The following CASK variants were observed in gnomAD, a reference collection of about 807,000 sequenced individuals.
The protein encoded by CASK is peripheral plasma membrane protein CASK.
Under a neutral mutation model 82.9 loss-of-function variants are expected in CASK, and 4 were observed. The ratio of observed to expected loss-of-function variants is 0.05; its 90% CI spans 0.02 to 0.11. The LOEUF is 0.11. Among genes scored for constraint, CASK ranks in the 10% least tolerant of loss-of-function variants. The pLI, the probability that CASK is intolerant of heterozygous loss-of-function variation, is 1.00. For missense variants in CASK, 358 were observed against 720.9 expected, an observed-to-expected ratio of 0.50 and a Z score of 5.76; for synonymous variants, 259 against 253.5, an observed-to-expected ratio of 1.02 and a Z score of -0.20.
intron 3 of CASK, among the ~76,000 whole-genome samples, chrX:41,763,582 G>A (rs1471566040): frequency 9.0e-6 from 1 of 111,107 alleles, no homozygotes; most frequent in Non-Finnish European, 1.9e-5. Context: ...GGACAGCTTG[G>A]GCCCAGGTGG....
At chrX:41,853,003 T>TA (rs2071295345) in intron 2 of CASK, 112 bp downstream of exon 2, 2 of 532,272 alleles carry the variant, frequency 3.8e-6, no homozygotes, top group Non-Finnish European at 6.7e-6. Context: ...CACTTCCCTC[T>TA]ACATCATACC....
At chrX:41,861,057 C>T (rs2071466812) in intron 1 of CASK, among the ~76,000 whole-genome samples, 1 of 112,310 alleles carries the variant, frequency 8.9e-6, no homozygotes, top group South Asian at 3.7e-4. Flanking sequence ...GTACCTCTGT[C>T]ACACCTTGAT....
At chrX:41,820,158 A>G (rs2070502594) in intron 2 of CASK, among the ~76,000 whole-genome samples, 2 of 110,854 alleles carry the variant, frequency 1.8e-5, no homozygotes, top group Admixed American at 1.9e-4. Context: ...CAAATATGAG[A>G]TCAATATAAG....
chrX:41,580,574 A>C (rs912426373), intron 14 of CASK, among the ~76,000 whole-genome samples: 1 of 112,002 alleles, frequency 8.9e-6, no homozygotes, highest in African/African-American at 3.2e-5. Flanking sequence ...TCTAAAAGAA[A>C]AATGCTTAAA....
chrX:41,716,299 T>TG (rs1418355181), intron 5 of CASK, among the ~76,000 whole-genome samples: 1 of 111,420 alleles, frequency 9.0e-6, no homozygotes, highest in African/African-American at 3.3e-5. Flanking sequence ...TGATAGAGAG[T>TG]GGAACAGGCA....
intron 1 of CASK, among the ~76,000 whole-genome samples, chrX:41,867,110 A>T (rs2071605184): frequency 8.9e-6 from 1 of 112,278 alleles, no homozygotes; most frequent in Non-Finnish European, 1.9e-5. Context: ...CTTCCATATT[A>T]CACAAATAGG....
Position 41,855,383 on chromosome X carries a change from G to T in CASK, c.60-2156C>A, listed in dbSNP as rs544828914. Among the ~76,000 whole-genome samples, 146 of 111,059 alleles carry T rather than the reference G, an allele frequency of 1.3e-3. 2 individuals carry two copies. The highest frequency in any genetic ancestry group is 4.6e-3 in the African/African-American group (140 of 30,581). ...GTCTGTCCGTCAATGACATCCAGGG[G>T]GTTAACAATGGTAAACCAAATTTAA... On this transcript the variant is annotated intron_variant, in intron 1 of 26. Coordinates refer to ENST00000378163, the MANE Select transcript of CASK (RefSeq NM_001367721.1).
chrX:41,841,958 A>C (rs535593269), intron 2 of CASK, among the ~76,000 whole-genome samples: 7 of 112,186 alleles, frequency 6.2e-5, no homozygotes, highest in African/African-American at 2.3e-4. Context: ...CCAAGGTCAC[A>C]AAGATTTATG....
At chrX:41,855,281 G>A (rs1005761642) in intron 1 of CASK, among the ~76,000 whole-genome samples, 1 of 111,563 alleles carries the variant, frequency 9.0e-6, no homozygotes, top group Non-Finnish European at 1.9e-5. Context: ...TAATTTTATA[G>A]TACGAGGCAA....
Position 41,517,803 on chromosome X carries a change from C to CA in CASK, c.*2616dup, listed in dbSNP as rs2064580979. Reference sequence around the variant, plus strand: ...GCAGCAGCAGCAGCAGCAGCAGCAGCAGCAGCAGCAGCAGCAGCAATGTAC... The same window carrying CA: ...GCAGCAGCAGCAGCAGCAGCAGCAGCAAGCAGCAGCAGCAGCAGCAATGTAC... On this transcript the variant is annotated 3_prime_UTR_variant, in exon 27 of 27. Coordinates refer to ENST00000378163, the MANE Select transcript of CASK (RefSeq NM_001367721.1). The CA allele has an allele frequency of 5.0e-6, 4 of 797,411 alleles. No individual in the cohort carries two copies. The Admixed American group carries it at 1.1e-4, about 21-fold the overall frequency. 65.7% of individuals were successfully genotyped at this position (797,411 alleles called of 1,213,427 possible). A position where few individuals can be genotyped will look rare whatever the true frequency, so the allele number is the denominator to read the frequency against.
At chrX:41,748,655 G>A (rs1425640393) in intron 3 of CASK, 1 of 137,132 alleles carries the variant, frequency 7.3e-6, no homozygotes, top group Non-Finnish European at 1.5e-5. Context: ...GGACTCTGGT[G>A]TTTCCAAAAA....
chrX:41,655,641 G>A (rs2066927030), intron 8 of CASK, among the ~76,000 whole-genome samples: 1 of 111,227 alleles, frequency 9.0e-6, no homozygotes, highest in Non-Finnish European at 1.9e-5. Flanking sequence ...CCCTAGGACT[G>A]ACTCTGGAAC....
intron 5 of CASK, among the ~76,000 whole-genome samples, chrX:41,691,928 T>A (rs1433076555): frequency 9.1e-6 from 1 of 109,750 alleles, no homozygotes; most frequent in Non-Finnish European, 1.9e-5. Context: ...TTCCTTTTTT[T>A]ATTTTAGAGA....
At chrX:41,858,198 T>C (rs1569470374) in intron 1 of CASK, among the ~76,000 whole-genome samples, 1 of 111,650 alleles carries the variant, frequency 9.0e-6, no homozygotes, top group African/African-American at 3.3e-5. Flanking sequence ...GGAAGGGAAA[T>C]CTCAGGCTGA....
chrX:41,728,021 T>G (rs1236674721), intron 5 of CASK: 1 of 1,104,155 alleles, frequency 9.1e-7, no homozygotes, highest in South Asian at 2.2e-5. Flanking sequence ...TCAGCACATA[T>G]GCAATCATAT....
At chrX:41,712,282 A>C (rs2067990722) in intron 5 of CASK, among the ~76,000 whole-genome samples, 1 of 112,522 alleles carries the variant, frequency 8.9e-6, no homozygotes, top group South Asian at 3.7e-4. Flanking sequence ...CACTGGTTGC[A>C]TGAGGGTATG....
At chrX:41,567,547 T>C (rs1462839431) in intron 16 of CASK, among the ~76,000 whole-genome samples, 1 of 112,271 alleles carries the variant, frequency 8.9e-6, no homozygotes, top group Admixed American at 9.4e-5. Context: ...AGATACCATC[T>C]CACACCAGTT....
chrX:41,581,031 A>G (rs1174533038), intron 14 of CASK, among the ~76,000 whole-genome samples: 1 of 112,227 alleles, frequency 8.9e-6, no homozygotes, highest in Non-Finnish European at 1.9e-5. Context: ...TTTCAAATGG[A>G]ATAACTAAAA....
intron 1 of CASK, among the ~76,000 whole-genome samples, chrX:41,868,481 G>A (rs1261105551): frequency 1.8e-5 from 2 of 111,918 alleles, no homozygotes; most frequent in African/African-American, 6.5e-5. Context: ...CAACCTGGAC[G>A]TACAGACACT....
Sources: gnomAD v4.1 joint callset for allele counts (sites outside exome capture counted in the v4.1 genomes callset) on GRCh38, gnomAD v4.1.1 for gene constraint, MANE v1.5 for transcripts, NCBI Gene and HGNC (gene_info 2026-07-23, HGNC 2026-07-21) for gene names.